Variants in NUMA1 observed in about 807,000 individuals in gnomAD.
NUMA1 encodes SP-H antigen.
In NUMA1, 62 loss-of-function variants were observed where a neutral mutation model predicts 237.1. That is an observed-to-expected ratio of 0.26 (90% CI 0.21 to 0.32). The LOEUF (loss-of-function observed/expected upper bound fraction) is 0.32. Among genes scored for constraint, NUMA1 ranks in the 10% least tolerant of loss-of-function variants. The pLI is 1.00. For synonymous variants in NUMA1, 1,028 were observed against 1,066.1 expected (o/e 0.96, Z 0.70); for missense variants, 2,533 against 2,666.5 (o/e 0.95, Z 1.10).
At chr11:72,079,653 A>T (rs2136410946) in intron 1 of NUMA1, among the ~76,000 whole-genome samples, 1 of 152,052 alleles carries the variant, frequency 6.6e-6, no homozygotes. Flanking sequence ...ACACAGTCAC[A>T]CCACTTATAG....
chr11:72,017,654 A>G, intron 13 of NUMA1, 33 bp downstream of exon 13: 1 of 1,611,326 alleles, frequency 6.2e-7, no homozygotes, highest in Non-Finnish European at 8.5e-7. Context: ...ACATGTGGTC[A>G]AGACTGTGGC....
intron 8 of NUMA1, among the ~76,000 whole-genome samples, chr11:72,020,159 C>T (rs1169454204): frequency 6.6e-6 from 1 of 152,222 alleles, no homozygotes; most frequent in African/African-American, 2.4e-5. Context: ...CTGCTCCTCC[C>T]TCCTCTACCC....
At chr11:72,079,806 G>A (rs554474764) in intron 1 of NUMA1, among the ~76,000 whole-genome samples, 30 of 149,382 alleles carry the variant, frequency 2.0e-4, no homozygotes, top group Non-Finnish European at 3.5e-4. Context: ...ACCCCAGGAA[G>A]TAGGTAAGGC....
At chr11:72,073,511 A>G (rs1345350407) in intron 1 of NUMA1, among the ~76,000 whole-genome samples, 1 of 152,188 alleles carries the variant, frequency 6.6e-6, no homozygotes, top group Non-Finnish European at 1.5e-5. Context: ...TGACCATGGC[A>G]AAGGGTCTAG....
intron 22 of NUMA1, 117 bp downstream of exon 22, chr11:72,005,918 T>C: frequency 1.2e-6 from 1 of 840,320 alleles, no homozygotes; most frequent in East Asian, 2.5e-5. Flanking sequence ...CAGGTGGAGC[T>C]GGATGGTAGC....
At position 72,013,174 on chromosome 11, in the gene NUMA1, C is replaced by A. The variant is rs35567912; in HGVS notation, c.4329G>T (p.Ala1443=). ...GGTTCTCCTCTGCCAGCAGGCCATG[C>A]GCCTTCTTCAGCATGCTCAGCTGCT... is the stretch of plus-strand genomic sequence containing the variant. ...YAEQLSMLKK[A]HGLLAEENRG... Residue 1443 remains alanine (A), a synonymous_variant, in exon 15 of 27, where the codon GCG becomes GCT. Coordinates refer to ENST00000393695, the MANE Select transcript of NUMA1 (RefSeq NM_006185.4). This position sits in a 1 kb window ranked among gnomAD's most constrained non-coding sequence, Gnocchi z 6.8. 72 of 1,613,418 alleles carry A rather than the reference C, an allele frequency of 4.5e-5. No homozygotes were observed. The African/African-American group carries it at 9.1e-4, about 20-fold the overall frequency.
chr11:72,078,041 T>C (rs1943796990), intron 1 of NUMA1, among the ~76,000 whole-genome samples: 1 of 152,176 alleles, frequency 6.6e-6, no homozygotes, highest in South Asian at 2.1e-4. Flanking sequence ...AAACATATTT[T>C]AATTGTGTTG....
chr11:72,016,693 G>A (rs1196285281), intron 13 of NUMA1, 163 bp from the exon 14 acceptor site: 1 of 781,408 alleles, frequency 1.3e-6, no homozygotes, highest in Non-Finnish European at 2.0e-6. Context: ...CTGGGAGCAT[G>A]AGGGACCTGA....
chr11:72,012,769 C>A, intron 15 of NUMA1, 126 bp downstream of exon 15: 1 of 1,354,248 alleles, frequency 7.4e-7, no homozygotes, highest in South Asian at 1.4e-5. Flanking sequence ...CCTTTTCTGC[C>A]ACCCAGTGAA....
At chr11:72,061,018 G>A (rs571875558) in intron 2 of NUMA1, among the ~76,000 whole-genome samples, 38 of 152,244 alleles carry the variant, frequency 2.5e-4, no homozygotes, top group Non-Finnish European at 3.1e-4. Flanking sequence ...GCAGTGAGCC[G>A]AGATCGTGCC....
intron 1 of NUMA1, 61 bp downstream of exon 1, chr11:72,080,397 A>G (rs1289031211): frequency 6.6e-6 from 1 of 150,656 alleles, no homozygotes. Context: ...CACCCCTTTT[A>G]GGCCTGAGCA....
Position 72,009,024 on chromosome 11 carries a change from C to T in NUMA1, c.5001G>A (p.Lys1667=). The change falls in exon 19 of 27, where the codon AAG becomes AAA. Residue 1667 remains lysine (K), a synonymous_variant. Transcript: ENST00000393695. The part of the protein sequence containing the change: ...HELQQAGLKT[K]EAEQTCRHLT... ...GGTGGCGGCAGGTCTGTTCAGCCTC[C>T]TTGGTCTTCAGCCCAGCCTGCTGTA... is the stretch of plus-strand genomic sequence containing the variant. 1 of 1,613,786 alleles carries T rather than the reference C, an allele frequency of 6.2e-7. No homozygotes were observed. The highest frequency in any genetic ancestry group is 1.3e-5 in the African/African-American group (1 of 75,030).
chr11:72,057,979 A>C (rs999256648), intron 2 of NUMA1, among the ~76,000 whole-genome samples: 1 of 149,334 alleles, frequency 6.7e-6, no homozygotes, highest in Non-Finnish European at 1.5e-5. Context: ...GCTGAGGCAG[A>C]AGAATCACTT....
intron 1 of NUMA1, among the ~76,000 whole-genome samples, chr11:72,075,129 C>A (rs1225519060): frequency 2.0e-5 from 3 of 151,898 alleles, no homozygotes; most frequent in Non-Finnish European, 4.4e-5. Context: ...ACTAAATATG[C>A]CTAGAAGTGC....
intron 1 of NUMA1, among the ~76,000 whole-genome samples, chr11:72,072,994 C>A (rs914807073): frequency 1.4e-5 from 2 of 142,220 alleles, no homozygotes; most frequent in Non-Finnish European, 3.0e-5. Context: ...TTGCAGTGAG[C>A]CGAGATCGCG....
intron 2 of NUMA1, among the ~76,000 whole-genome samples, chr11:72,064,227 G>C (rs1186983566): frequency 6.6e-6 from 1 of 152,034 alleles, no homozygotes; most frequent in Admixed American, 6.6e-5. Flanking sequence ...GAAGGCTGAG[G>C]TGGGATGATT....
rs772612612 is a variant in NUMA1 at position 72,008,794 on chromosome 11, T to C, written c.5110A>G (p.Thr1704Ala). Residue 1704 changes from threonine (T) to alanine (A), a missense_variant, in exon 20 of 27, where the codon ACT becomes GCT. Transcript: ENST00000393695. ...LRDLGKFQVA[T>A]DALKSREPQA... ...GGCTCACGGCTCTTTAAAGCATCAG[T>C]TGCCACCTGGAATTTGCCCAGGTCT... 9.3e-6 allele frequency: 15 copies of C among 1,613,920 alleles called. No homozygotes were observed. The highest frequency in any genetic ancestry group is 2.2e-5 in the East Asian group (1 of 44,882).
At chr11:72,060,525 C>T (rs945491388) in intron 2 of NUMA1, among the ~76,000 whole-genome samples, 3 of 152,168 alleles carry the variant, frequency 2.0e-5, no homozygotes, top group Non-Finnish European at 4.4e-5. Context: ...CACCTGTAAT[C>T]CCAGATACTC....
intron 1 of NUMA1, among the ~76,000 whole-genome samples, chr11:72,076,254 G>C (rs1943702191): frequency 6.6e-6 from 1 of 151,732 alleles, no homozygotes. Context: ...TGCACCTGTA[G>C]TCCCAGCTAC....
Sources: gnomAD v4.1 joint callset for allele counts (sites outside exome capture counted in the v4.1 genomes callset) on GRCh38, gnomAD v4.1.1 for gene constraint, Gnocchi (gnomAD v3.1) non-coding constraint, MANE v1.5 for transcripts, NCBI Gene and HGNC (gene_info 2026-07-23, HGNC 2026-07-21) for gene names.